Variants in PCNX2 observed in about 807,000 individuals in gnomAD.
The protein encoded by PCNX2 is pecanex-like protein 2.
PCNX2 carries 168 observed loss-of-function variants against 223.8 expected under a neutral mutation model. That is an observed-to-expected ratio of 0.75 (90% CI 0.66 to 0.85). The LOEUF (loss-of-function observed/expected upper bound fraction) is 0.85, where lower values mean the gene tolerates loss of function less well. Ranked by LOEUF, PCNX2 falls within the 40% of genes least tolerant of loss-of-function variation. PCNX2 has a pLI of 0.00. For missense variants in PCNX2, 2,507 were observed against 2,675.5 expected (o/e 0.94, Z 1.39); for synonymous variants, 1,006 against 1,052.6 (o/e 0.96, Z 0.86).
chr1:233,293,851 G>T, intron 1 of PCNX2: 1 of 667,916 alleles, frequency 1.5e-6, no homozygotes, highest in Non-Finnish European at 1.9e-6. Flanking sequence ...GCAGAACCAG[G>T]ATTTCACCCT....
At chr1:233,070,685 A>C (rs922643680) in intron 23 of PCNX2, among the ~76,000 whole-genome samples, 3 of 151,814 alleles carry the variant, frequency 2.0e-5, no homozygotes, top group Admixed American at 6.6e-5. Context: ...AAAAAAAAAA[A>C]CTCTCAGAAA....
chr1:233,245,486 CAT>C (rs1429134891), intron 8 of PCNX2, among the ~76,000 whole-genome samples: 1 of 152,210 alleles, frequency 6.6e-6, no homozygotes, highest in African/African-American at 2.4e-5. Context: ...GGATGCCGCA[CAT>C]GTGTGCAAGA....
At chr1:233,268,799 C>T (rs562119935) in intron 1 of PCNX2, among the ~76,000 whole-genome samples, 1 of 152,306 alleles carries the variant, frequency 6.6e-6, no homozygotes, top group East Asian at 1.9e-4. Flanking sequence ...CCTCTCCACC[C>T]CCATGACTTC....
At position 233,233,016 on chromosome 1, in the gene PCNX2, C is replaced by T. The variant is rs796246342; in HGVS notation, c.2358+3829G>A. The T allele has an allele frequency of 1.8e-5, 18 of 985,318 alleles. No individual in the cohort carries two copies. In the South Asian group the frequency reaches 3.3e-4, roughly 18 times the overall value. The allele number at this position is 985,318 out of a possible 1,614,324, so 61.0% of individuals were successfully genotyped here. ...ATATCCAGGTGAGAGTAAATGGAAG[C>T]GGAAAATGCTGTATTCCTACAGATC... is the stretch of plus-strand genomic sequence containing the variant. On this transcript the variant is annotated intron_variant, in intron 9 of 33. Coordinates refer to ENST00000258229, the MANE Select transcript of PCNX2 (RefSeq NM_014801.4).
At chr1:233,060,352 A>C (rs1672359783) in intron 23 of PCNX2, among the ~76,000 whole-genome samples, 1 of 152,250 alleles carries the variant, frequency 6.6e-6, no homozygotes, top group Non-Finnish European at 1.5e-5. Context: ...GAGGATTAAG[A>C]CAAAAGAAAA....
intron 19 of PCNX2, among the ~76,000 whole-genome samples, chr1:233,155,067 C>CA (rs558141357): frequency 1.5e-4 from 14 of 94,946 alleles, no homozygotes; most frequent in African/African-American, 4.0e-4. Context: ...GACTCCGTCT[C>CA]AAAAAAAAAA....
At chr1:233,183,033 T>G (rs1679891804) in intron 15 of PCNX2, among the ~76,000 whole-genome samples, 1 of 152,186 alleles carries the variant, frequency 6.6e-6, no homozygotes, top group South Asian at 2.1e-4. Context: ...TTCACTGAAT[T>G]AATGGTGGAA....
At chr1:233,046,603 T>C (rs748169904) in intron 25 of PCNX2, among the ~76,000 whole-genome samples, 3 of 152,188 alleles carry the variant, frequency 2.0e-5, no homozygotes, top group Non-Finnish European at 4.4e-5. Context: ...GACGTTGCTA[T>C]GGTGCCAAAG....
chr1:233,222,356 C>T (rs887344523), intron 10 of PCNX2, among the ~76,000 whole-genome samples: 1 of 151,982 alleles, frequency 6.6e-6, no homozygotes, highest in African/African-American at 2.4e-5. Context: ...GCTGGGCAGT[C>T]GGTAAAGCAG....
At chr1:233,211,640 C>T (rs564123390) in intron 12 of PCNX2, 63 of 336,418 alleles carry the variant, frequency 1.9e-4, no homozygotes, top group African/African-American at 1.4e-3. Context: ...CAGGCCTCAC[C>T]AACAGAAAAC....
intron 15 of PCNX2, among the ~76,000 whole-genome samples, chr1:233,180,423 A>G (rs4649440): frequency 0.24 from 36,265 of 152,116 alleles, 5,119 homozygotes; most frequent in African/African-American, 0.39. Context: ...AGAAGAAAAC[A>G]TCTACATATT....
chr1:233,256,676 T>C (rs952728582), intron 5 of PCNX2, among the ~76,000 whole-genome samples: 12 of 152,360 alleles, frequency 7.9e-5, no homozygotes, highest in Non-Finnish European at 1.6e-4. Context: ...AATATTTCTA[T>C]CACTGCAGAA....
Position 232,989,859 on chromosome 1 carries a change from C to T in PCNX2, c.5792-3319G>A, listed in dbSNP as rs1026501383. ...CTAGAGGCTGAGACCCATAGGCAAG[C>T]GCCTGTAGATGGGCCCAAGGGGCTG... is the stretch of plus-strand genomic sequence containing the variant. On this transcript the variant is annotated intron_variant, in intron 32 of 33. Transcript: ENST00000258229. Among the ~76,000 whole-genome samples the T allele has an allele frequency of 7.2e-5, 11 of 152,326 alleles. 1 individual carries two copies. The highest frequency in any genetic ancestry group is 4.4e-5 in the Non-Finnish European group (3 of 68,032).
Position 233,258,736 on chromosome 1 carries a change from T to G in PCNX2, c.1126A>C (p.Ile376Leu). ...DPLSLHEPIK[I>L]VITMSSTPNS... Reference sequence around the variant, plus strand: ...GGGGTACTGCTCATCGTGATAACAATTTTTATGGGCTCATGTAGACTCAGT... The same window carrying G: ...GGGGTACTGCTCATCGTGATAACAAGTTTTATGGGCTCATGTAGACTCAGT... Residue 376 changes from isoleucine to leucine, a missense_variant, in exon 5 of 34, where the codon ATT becomes CTT. Ile to Leu is a conservative substitution (Grantham distance 5, BLOSUM62 2). Transcript: ENST00000258229. 2 of 1,613,914 alleles carry G rather than the reference T, an allele frequency of 1.2e-6. No individual in the cohort carries two copies. The highest frequency in any genetic ancestry group is 1.7e-6 in the Non-Finnish European group (2 of 1,179,890).
At chr1:233,091,429 T>C (rs1255667622) in intron 22 of PCNX2, among the ~76,000 whole-genome samples, 4 of 151,346 alleles carry the variant, frequency 2.6e-5, no homozygotes, top group African/African-American at 9.7e-5. Flanking sequence ...TAGTTTAACA[T>C]AACGTTAAAC....
At position 233,227,305 on chromosome 1, in the gene PCNX2, A is replaced by G; in HGVS notation, c.2425T>C (p.Phe809Leu). 1 of 1,613,598 alleles carries G rather than the reference A, an allele frequency of 6.2e-7. No homozygotes were observed. Among genetic ancestry groups the G allele is most frequent in the Non-Finnish European group, 8.5e-7 (1 of 1,179,700 alleles). ...STQGKFNREQ[F>L]YKFIIFPGKW... Reference sequence around the variant, plus strand: ...CCAGGGAAAATGATAAATTTGTAAAACTGCTCTCGGTTAAATTTTCCTTGT... The same window carrying G: ...CCAGGGAAAATGATAAATTTGTAAAGCTGCTCTCGGTTAAATTTTCCTTGT... The change falls in exon 10 of 34, where the codon TTT (phenylalanine) becomes CTT (leucine). Residue 809 changes from phenylalanine to leucine, a missense_variant. Coordinates refer to ENST00000258229, the MANE Select transcript of PCNX2 (RefSeq NM_014801.4).
chr1:233,304,116 A>C, the PCNX2 span, among the ~76,000 whole-genome samples: 3 of 152,204 alleles, frequency 2.0e-5, no homozygotes, highest in Admixed American at 2.0e-4. Flanking sequence ...ATAAACTCTT[A>C]AAACTTTTTT....
At chr1:233,299,044 T>A (rs907343790), upstream of PCNX2, among the ~76,000 whole-genome samples, 3 of 152,210 alleles carry the variant, frequency 2.0e-5, no homozygotes, top group Admixed American at 6.5e-5. Context: ...TAAATCCAGT[T>A]GGGTGCCCTT....
intron 21 of PCNX2, among the ~76,000 whole-genome samples, chr1:233,117,555 C>G (rs565765629): frequency 1.4e-5 from 2 of 145,454 alleles, no homozygotes; most frequent in South Asian, 2.2e-4. Context: ...GAGCCGAGAT[C>G]GCGCCACTGG....
Sources: gnomAD v4.1 joint callset for allele counts (sites outside exome capture counted in the v4.1 genomes callset) on GRCh38, gnomAD v4.1.1 for gene constraint, MANE v1.5 for transcripts, NCBI Gene and HGNC (gene_info 2026-07-23, HGNC 2026-07-21) for gene names.